Variants in KIRREL3 observed in about 807,000 individuals in gnomAD.
The protein encoded by KIRREL3 is kin of IRRE-like protein 3.
Under a neutral mutation model 89.7 loss-of-function variants are expected in KIRREL3, and 36 were observed. The ratio of observed to expected loss-of-function variants is 0.40; its 90% CI spans 0.31 to 0.53. KIRREL3 has a LOEUF of 0.53. Among genes scored for constraint, KIRREL3 ranks in the 20% least tolerant of loss-of-function variants. KIRREL3 has a pLI of 0.49. For synonymous variants in KIRREL3, 445 were observed against 441.4 expected (o/e 1.01, Z -0.10); for missense variants, 864 against 1,056.6 (o/e 0.82, Z 2.53).
At chr11:126,546,417 G>A (rs1015719726) in intron 2 of KIRREL3, among the ~76,000 whole-genome samples, 21 of 152,192 alleles carry the variant, frequency 1.4e-4, no homozygotes, top group African/African-American at 5.1e-4. Flanking sequence ...CCCAATCTGT[G>A]CTGGGAGACT....
chr11:126,469,686 A>C (rs950876718), intron 5 of KIRREL3, among the ~76,000 whole-genome samples: 10 of 152,212 alleles, frequency 6.6e-5, no homozygotes, highest in Non-Finnish European at 1.5e-4. Context: ...TGGGGTGGAC[A>C]GTTAGGATGG....
In KIRREL3 at chr11:126,963,546, G is replaced by A. The variant is rs80342909; in HGVS notation, c.55+36909C>T. ...GTTTCTGAACAAAATGCTTTGTGAC[G>A]AACCATCCTCTCCACTTGAATCTAT... On this transcript the variant is annotated intron_variant, in intron 1 of 16. Coordinates refer to ENST00000525144, the MANE Select transcript of KIRREL3 (RefSeq NM_032531.4). Among the ~76,000 whole-genome samples, 1,054 of 152,136 alleles carry A rather than the reference G, an allele frequency of 6.9e-3. 3 individuals are homozygous for A. Among genetic ancestry groups the A allele is most frequent in the Non-Finnish European group, 9.0e-3 (612 of 67,996 alleles).
At chr11:126,451,348 G>A (rs1956135410) in intron 7 of KIRREL3, among the ~76,000 whole-genome samples, 1 of 142,102 alleles carries the variant, frequency 7.0e-6, no homozygotes, top group Non-Finnish European at 1.6e-5. Flanking sequence ...GTGCATGTGT[G>A]TGCGTATGTG....
rs903482555 is a variant in KIRREL3, at chr11:126,684,432, C to T, written c.56-121520G>A. On this transcript the variant is annotated intron_variant, in intron 1 of 16. Transcript: ENST00000525144. The surrounding 1 kb of genome is among the most constrained non-coding windows in gnomAD (Gnocchi z 4.2). ...CCTGGTTGAACTGGCTTCCCTGCCC[C>T]TCCAAAGTGGTTCCAAGGTGCCTCC... is the stretch of plus-strand genomic sequence containing the variant. Among the ~76,000 whole-genome samples the T allele has an allele frequency of 6.6e-6, 1 of 152,204 alleles. No individual in the cohort carries two copies. Among genetic ancestry groups the T allele is most frequent in the African/African-American group, 2.4e-5 (1 of 41,458 alleles).
chr11:126,540,725 G>C (rs2134490675), intron 2 of KIRREL3, among the ~76,000 whole-genome samples: 1 of 152,354 alleles, frequency 6.6e-6, no homozygotes, highest in Non-Finnish European at 1.5e-5. Flanking sequence ...CCCTGCCCGA[G>C]GTCACCTGGA....
At chr11:126,839,477 G>A (rs919800543) in intron 1 of KIRREL3, among the ~76,000 whole-genome samples, 47 of 152,322 alleles carry the variant, frequency 3.1e-4, no homozygotes, top group African/African-American at 9.6e-4. Flanking sequence ...GGAGGAAAAG[G>A]GGTTGGATGT....
At position 126,531,072 on chromosome 11, in the gene KIRREL3, C is replaced by T. The variant is rs1003182836; in HGVS notation, c.134-4385G>A. Among the ~76,000 whole-genome samples, 1 of 152,146 alleles carries T rather than the reference C, an allele frequency of 6.6e-6. No homozygotes were observed. Among genetic ancestry groups the T allele is most frequent in the Non-Finnish European group, 1.5e-5 (1 of 68,032 alleles). ...CTCGAACTCCTGACCTCATGATCCA[C>T]CTGCCTCGACCTCCCAAAGTGTTGG... On this transcript the variant is annotated intron_variant, in intron 2 of 16. Coordinates refer to ENST00000525144, the MANE Select transcript of KIRREL3 (RefSeq NM_032531.4). The surrounding 1 kb of genome is among the most constrained non-coding windows in gnomAD (Gnocchi z 4.7).
intron 2 of KIRREL3, chr11:126,543,986 C>A: frequency 6.5e-6 from 1 of 152,814 alleles, no homozygotes. Flanking sequence ...CTGCTAGGCC[C>A]TTCTGCTGGG....
intron 1 of KIRREL3, among the ~76,000 whole-genome samples, chr11:126,711,336 G>A (rs962793086): frequency 2.6e-5 from 4 of 152,156 alleles, no homozygotes; most frequent in Admixed American, 2.6e-4. Context: ...AAGGCAAGTG[G>A]ATCACCTGAG....
In KIRREL3 at chr11:126,685,588, C is replaced by T. The variant is rs1381340084; in HGVS notation, c.56-122676G>A. Among the ~76,000 whole-genome samples, 3 of 152,186 alleles carry T rather than the reference C, an allele frequency of 2.0e-5. No individual in the cohort carries two copies. Among genetic ancestry groups the T allele is most frequent in the Non-Finnish European group, 4.4e-5 (3 of 68,020 alleles). ...TGACATGTTTTCCTCCTCTCTTTCC[C>T]CTGCCAGGGCAGGCTTGGCACTTCC... On this transcript the variant is annotated intron_variant, in intron 1 of 16. Coordinates refer to ENST00000525144, the MANE Select transcript of KIRREL3 (RefSeq NM_032531.4). The surrounding 1 kb of genome is among the most constrained non-coding windows in gnomAD (Gnocchi z 5.5).
rs542570123 is a variant in KIRREL3 at position 126,904,590 on chromosome 11, T to G, written c.55+95865A>C. Among the ~76,000 whole-genome samples the G allele has an allele frequency of 9.2e-5, 14 of 152,366 alleles. No homozygotes were observed. The highest frequency in any genetic ancestry group is 3.1e-4 in the African/African-American group (13 of 41,594). On this transcript the variant is annotated intron_variant, in intron 1 of 16. Coordinates refer to ENST00000525144, the MANE Select transcript of KIRREL3 (RefSeq NM_032531.4). This position sits in a 1 kb window ranked among gnomAD's most constrained non-coding sequence, Gnocchi z 4.4. ...ATGGCTTCCTACTAATGACTTTAAATACATGTTTTTGACATCAGGAAAAGA... is the reference window on the plus strand; with the variant it reads ...ATGGCTTCCTACTAATGACTTTAAAGACATGTTTTTGACATCAGGAAAAGA...
chr11:126,663,022 T>C (rs1375739652), intron 1 of KIRREL3, among the ~76,000 whole-genome samples: 2 of 147,660 alleles, frequency 1.4e-5, no homozygotes, highest in East Asian at 4.2e-4. Flanking sequence ...GCAGAAATAC[T>C]ATGGAAGAGC....
chr11:126,929,115 T>G (rs1947835942), intron 1 of KIRREL3, among the ~76,000 whole-genome samples: 1 of 152,190 alleles, frequency 6.6e-6, no homozygotes, highest in Non-Finnish European at 1.5e-5. Context: ...AGGACACATC[T>G]GCCAACTGTG....
chr11:126,692,893 A>G (rs1946935456), intron 1 of KIRREL3, among the ~76,000 whole-genome samples: 1 of 152,198 alleles, frequency 6.6e-6, no homozygotes, highest in Non-Finnish European at 1.5e-5. Context: ...TCTTCCCACC[A>G]ACAGGTGGAG....
In KIRREL3 at chr11:126,499,865, C is replaced by T. The variant is rs191484502; in HGVS notation, c.433+21450G>A. Among the ~76,000 whole-genome samples the T allele has an allele frequency of 2.0e-3, 307 of 152,250 alleles. 3 individuals carry two copies. The highest frequency in any genetic ancestry group is 0.017 in the Admixed American group (260 of 15,302). On this transcript the variant is annotated intron_variant, in intron 4 of 16. Transcript: ENST00000525144. The stretch of plus-strand genomic sequence containing the variant: ...TATATATTCGAGGGCTTCTTTTATC[C>T]TGCCTGGGATGGTAGTGAGTTGTTT...
At position 126,797,340 on chromosome 11, in the gene KIRREL3, A is replaced by G. The variant is rs550557704; in HGVS notation, c.55+203115T>C. On this transcript the variant is annotated intron_variant, in intron 1 of 16. Transcript: ENST00000525144. The surrounding 1 kb of genome is among the most constrained non-coding windows in gnomAD (Gnocchi z 4.9). ...CTGTGTTGAGCATCAAATGCATCTG[A>G]TTCTCAGCGTAATATCTGGCACAGA... 6.6e-6 allele frequency among the ~76,000 whole-genome samples: 1 copy of G among 152,354 alleles called. No individual in the cohort carries two copies. Among genetic ancestry groups the G allele is most frequent in the East Asian group, 1.9e-4 (1 of 5,182 alleles).
At position 126,813,839 on chromosome 11, in the gene KIRREL3, G is replaced by A. The variant is rs1439248560; in HGVS notation, c.55+186616C>T. Among the ~76,000 whole-genome samples, 4 of 150,712 alleles carry A rather than the reference G, an allele frequency of 2.7e-5. 1 individual carries two copies. The highest frequency in any genetic ancestry group is 2.6e-4 in the Admixed American group (4 of 15,106). On this transcript the variant is annotated intron_variant, in intron 1 of 16. Coordinates refer to ENST00000525144, the MANE Select transcript of KIRREL3 (RefSeq NM_032531.4). ...AAGAAAATCTAGGCAATACCATTCA[G>A]AACATAGGCACATGCAAGGGTTTCA...
intron 1 of KIRREL3, among the ~76,000 whole-genome samples, chr11:126,862,463 C>T (rs1944735394): frequency 6.6e-6 from 1 of 152,216 alleles, no homozygotes; most frequent in South Asian, 2.1e-4. Flanking sequence ...AGCTGCTTTT[C>T]TTCCGCTGGG....
chr11:126,850,973 T>A (rs1024948805), intron 1 of KIRREL3, among the ~76,000 whole-genome samples: 1 of 152,176 alleles, frequency 6.6e-6, no homozygotes, highest in South Asian at 2.1e-4. Context: ...TCCAATCAAG[T>A]AAGAGGCAGA....
Sources: allele counts gnomAD v4.1 joint callset (sites outside exome capture counted in the v4.1 genomes callset), GRCh38; gene constraint gnomAD v4.1.1; non-coding constraint Gnocchi (gnomAD v3.1); transcripts MANE v1.5; gene names NCBI Gene and HGNC (gene_info 2026-07-23, HGNC 2026-07-21).